MVK: variants seen among roughly 807,000 people sequenced by gnomAD.
MVK encodes the protein mevalonate kinase.
MVK carries 34 observed loss-of-function variants against 43.2 expected under a neutral mutation model. That is an observed-to-expected ratio of 0.79 (90% confidence interval 0.60 to 1.05). The LOEUF (loss-of-function observed/expected upper bound fraction) is 1.05, where lower values mean the gene tolerates loss of function less well. Among genes scored for constraint, MVK ranks in the 50% least tolerant of loss-of-function variants. MVK has a pLI of 0.00. For synonymous variants in MVK, 190 were observed against 219.8 expected, an observed-to-expected ratio of 0.86 and a Z score of 1.20; for missense variants, 395 against 504.0, an observed-to-expected ratio of 0.78 and a Z score of 2.07.
chr12:109,581,106 C>A (rs755244859), intron 4 of MVK, among the ~76,000 whole-genome samples: 13 of 152,088 alleles, frequency 8.5e-5, no homozygotes, highest in Admixed American at 7.2e-4. Context: ...AGCATGTGGG[C>A]ACAGGAAGGA....
chr12:109,590,361 C>T, intron 7 of MVK: 4 of 334,322 alleles, frequency 1.2e-5, no homozygotes, highest in South Asian at 7.6e-5. Context: ...ACAGGCTGCT[C>T]CAACTGCCAG....
In MVK at chr12:109,591,172, T is replaced by G; in HGVS notation, c.769-69T>G. 2.8e-6 allele frequency: 4 copies of G among 1,442,744 alleles called. No homozygotes were observed. The South Asian group carries it at 4.6e-5, about 16-fold the overall frequency. The allele number at this position is 1,442,744 out of a possible 1,614,324, so 89.4% of individuals were successfully genotyped here. ...TGAACACCTCCTCCCTCCACCCCAC[T>G]GCTGGGGCAGCTGTCCTGCATCTGC... On this transcript the variant is annotated intron_variant, in intron 8 of 10. Coordinates refer to ENST00000228510, the MANE Select transcript of MVK (RefSeq NM_000431.4).
At position 109,595,057 on chromosome 12, in the gene MVK, G is replaced by C. The variant is rs769254926; in HGVS notation, c.915G>C (p.Leu305=). ...EELIDMNQHH[L]NALGVGHASL... ...TCATTGACATGAACCAGCACCATCTGAATGCCCTCGGCGTGGGCCACGCCT... is the reference window on the plus strand; with the variant it reads ...TCATTGACATGAACCAGCACCATCTCAATGCCCTCGGCGTGGGCCACGCCT... Residue 305 remains leucine, a synonymous_variant, in exon 10 of 11, where the codon CTG becomes CTC. Coordinates refer to ENST00000228510, the MANE Select transcript of MVK (RefSeq NM_000431.4). This position sits in a 1 kb window ranked among gnomAD's most constrained non-coding sequence, Gnocchi z 5.9. 3.1e-6 allele frequency: 5 copies of C among 1,614,088 alleles called. No homozygotes were observed. The highest frequency in any genetic ancestry group is 8.5e-7 in the Non-Finnish European group (1 of 1,180,040).
At chr12:109,589,267 A>C (rs1293359248) in intron 7 of MVK, 1 of 152,252 alleles carries the variant, frequency 6.6e-6, no homozygotes, top group African/African-American at 2.4e-5. Flanking sequence ...TCTAAGAAAG[A>C]TGAAGATGCA....
chr12:109,589,790 C>G (rs1360427150), intron 7 of MVK: 1 of 152,308 alleles, frequency 6.6e-6, no homozygotes, highest in African/African-American at 2.4e-5. Flanking sequence ...CCAAATCCCC[C>G]ACCTTCCATC....
chr12:109,588,808 T>C (rs1300559072), intron 7 of MVK: 1 of 152,170 alleles, frequency 6.6e-6, no homozygotes. Context: ...AACTCATACT[T>C]TGTTGGGAGA....
chr12:109,596,923 G>A lies in MVK; in HGVS notation c.*346G>A, dbSNP rs563966935. The A allele has an allele frequency of 2.6e-6, 1 of 388,196 alleles. No homozygotes were observed. Among genetic ancestry groups the A allele is most frequent in the Admixed American group, 3.8e-5 (1 of 26,374 alleles). The allele number at this position is 388,196 out of a possible 1,614,324, so 24.0% of individuals were successfully genotyped here. On this transcript the variant is annotated 3_prime_UTR_variant, in exon 11 of 11. Coordinates refer to ENST00000228510, the MANE Select transcript of MVK (RefSeq NM_000431.4). The stretch of plus-strand genomic sequence containing the variant: ...TTCTTCCTGGCCGCCTGGGTCCAAT[G>A]CTCAGGTGCTGGGGCCTGGTTCCCG...
At position 109,590,502 on chromosome 12, in the gene MVK, G is replaced by T; in HGVS notation, c.678-269G>T. Reference sequence around the variant, plus strand: ...TCTCTGGCCCCGGCCCCAAGGCCACGCTGTGCCTAGCATGTTGTAGGTCCC... The same window carrying T: ...TCTCTGGCCCCGGCCCCAAGGCCACTCTGTGCCTAGCATGTTGTAGGTCCC... On this transcript the variant is annotated intron_variant, in intron 7 of 10. Transcript: ENST00000228510. The T allele has an allele frequency of 5.9e-6, 3 of 511,224 alleles. No homozygotes were observed. The East Asian group carries it at 1.1e-4, about 19-fold the overall frequency. 31.7% of individuals were successfully genotyped at this position (511,224 alleles called of 1,614,324 possible).
chr12:109,574,820 GC>G lies in MVK; in HGVS notation c.-1del, dbSNP rs1207812728. Reference sequence around the variant, plus strand: ...GCTTTCCCTTTTAGGATTCCCAGGAGCCATGTTGTCAGAAGTCCTACTGGTG... The same window carrying G: ...GCTTTCCCTTTTAGGATTCCCAGGAGCATGTTGTCAGAAGTCCTACTGGTG... On this transcript the variant is annotated 5_prime_UTR_variant, in exon 2 of 11. Transcript: ENST00000228510. The G allele has an allele frequency of 6.3e-7, 1 of 1,599,230 alleles. No individual in the cohort carries two copies. The highest frequency in any genetic ancestry group is 8.5e-7 in the Non-Finnish European group (1 of 1,172,204).
intron 7 of MVK, chr12:109,587,230 A>G (rs1268494713): frequency 3.9e-6 from 1 of 254,838 alleles, no homozygotes; most frequent in East Asian, 8.5e-5. Flanking sequence ...AAAAGCCGCC[A>G]CAGGACAATG....
chr12:109,590,816 C>T lies in MVK; in HGVS notation c.723C>T (p.Arg241=), dbSNP rs751983439. 1.2e-6 allele frequency: 2 copies of T among 1,614,224 alleles called. No homozygotes were observed. Among genetic ancestry groups the T allele is most frequent in the South Asian group, 1.1e-5 (1 of 91,082 alleles). Residue 241 remains arginine (R), a synonymous_variant, in exon 8 of 11, where the codon CGC becomes CGT. Transcript: ENST00000228510. ...TGCTGACCAACACCAAAGTCCCTCG[C>T]AATACCAGGGCCCTTGTGGCTGGCG... is the stretch of plus-strand genomic sequence containing the variant. The part of the protein sequence containing the change: ...QILLTNTKVP[R]NTRALVAGVR...
intron 9 of MVK, among the ~76,000 whole-genome samples, chr12:109,592,025 C>T (rs1885704686): frequency 6.6e-6 from 1 of 152,158 alleles, no homozygotes; most frequent in Non-Finnish European, 1.5e-5. Context: ...AGGTGGATTG[C>T]TTGAGTCCAG....
chr12:109,585,974 A>G (rs757017258), intron 5 of MVK, 48 bp from the exon 6 acceptor site: 5 of 1,534,070 alleles, frequency 3.3e-6, no homozygotes. Context: ...ACCCCTCCCC[A>G]GCCCCACTCC....
At chr12:109,575,146 G>A (rs970756224) in intron 2 of MVK, among the ~76,000 whole-genome samples, 1 of 152,156 alleles carries the variant, frequency 6.6e-6, no homozygotes, top group African/African-American at 2.4e-5. Context: ...ACCTAGGAGT[G>A]AGCTTTGATG....
chr12:109,573,507 C>A, upstream of MVK: 1 of 1,584,262 alleles, frequency 6.3e-7, no homozygotes, highest in Non-Finnish European at 8.5e-7. Context: ...CGGGACCTGA[C>A]CCCGCCAGGT....
upstream of MVK, chr12:109,573,445 C>T (rs1884743497): frequency 6.2e-7 from 1 of 1,608,344 alleles, no homozygotes; most frequent in Non-Finnish European, 8.5e-7. Context: ...GACGGCTCCC[C>T]AGGCCAAGAC....
chr12:109,585,946 C>G, intron 5 of MVK, 76 bp from the exon 6 acceptor site: 1 of 1,236,238 alleles, frequency 8.1e-7, no homozygotes, highest in Admixed American at 1.7e-5. Context: ...CTTGGCCTGC[C>G]CAGCACAGCC....
In MVK at chr12:109,597,752, T is replaced by C. The variant is rs1264526453; in HGVS notation, c.*1175T>C. On this transcript the variant is annotated 3_prime_UTR_variant, in exon 11 of 11. Transcript: ENST00000228510. ...GCCATCAGGAAACCCTTGTAGTTGGTGCCTTGCCAGCCAGAACCTCTGGGA... is the reference window on the plus strand; with the variant it reads ...GCCATCAGGAAACCCTTGTAGTTGGCGCCTTGCCAGCCAGAACCTCTGGGA... The C allele has an allele frequency of 1.3e-5, 2 of 152,204 alleles. No homozygotes were observed. Among genetic ancestry groups the C allele is most frequent in the African/African-American group, 2.4e-5 (1 of 41,432 alleles). The allele number at this position is 152,204 out of a possible 1,614,324, so 9.4% of individuals were successfully genotyped here.
intron 1 of MVK, among the ~76,000 whole-genome samples, chr12:109,574,202 G>T (rs1884810430): frequency 6.6e-6 from 1 of 152,148 alleles, no homozygotes; most frequent in African/African-American, 2.4e-5. Flanking sequence ...CACACCTATA[G>T]ACCCTGCAAG....
Sources: gnomAD v4.1 joint callset for allele counts (sites outside exome capture counted in the v4.1 genomes callset) on GRCh38, gnomAD v4.1.1 for gene constraint, Gnocchi (gnomAD v3.1) non-coding constraint, MANE v1.5 for transcripts, NCBI Gene and HGNC (gene_info 2026-07-23, HGNC 2026-07-21) for gene names.